The following SERINC1 variants were observed in gnomAD, a reference collection of about 807,000 sequenced individuals.
SERINC1 encodes the protein serine incorporator 1, also known as tumor differentially expressed protein 2.
In SERINC1, 38 loss-of-function variants were observed where a neutral mutation model predicts 52.9. The observed-to-expected ratio is 0.72, with a 90% CI of 0.55 to 0.94. The LOEUF is 0.94. Ranked by LOEUF, SERINC1 falls within the 40% of genes least tolerant of loss-of-function variation. The pLI is 0.00. For missense variants in SERINC1, 471 were observed against 533.9 expected, an observed-to-expected ratio of 0.88 and a Z score of 1.16; for synonymous variants, 198 against 183.1, an observed-to-expected ratio of 1.08 and a Z score of -0.66.
At chr6:122,457,741 G>A (rs1353319422) in intron 2 of SERINC1, among the ~76,000 whole-genome samples, 1 of 151,560 alleles carries the variant, frequency 6.6e-6, no homozygotes, top group Non-Finnish European at 1.5e-5. Context: ...ATAAATTTTT[G>A]TTGTCTTAAG....
intron 2 of SERINC1, 126 bp from the exon 3 acceptor site, chr6:122,456,776 A>G (rs1452463279): frequency 3.1e-6 from 2 of 654,010 alleles, no homozygotes; most frequent in South Asian, 2.5e-5. Context: ...TTTATGATGA[A>G]TATGTACTCA....
chr6:122,452,407 T>C (rs1774927291), intron 5 of SERINC1, among the ~76,000 whole-genome samples: 1 of 152,196 alleles, frequency 6.6e-6, no homozygotes, highest in South Asian at 2.1e-4. Context: ...GGAATATTAC[T>C]TAAGGTTTTT....
chr6:122,458,487 T>G, intron 2 of SERINC1, 33 bp downstream of exon 2: 1 of 1,527,482 alleles, frequency 6.5e-7, no homozygotes, highest in South Asian at 1.1e-5. Flanking sequence ...CCCTATAGCC[T>G]CAGTTAATCA....
At chr6:122,462,218 T>C (rs1770734097) in intron 1 of SERINC1, among the ~76,000 whole-genome samples, 1 of 152,110 alleles carries the variant, frequency 6.6e-6, no homozygotes, top group Non-Finnish European at 1.5e-5. Flanking sequence ...GAAGATAACA[T>C]CCTTAACTTG....
Position 122,443,583 on chromosome 6 carries a change from T to A in SERINC1, c.*1461A>T, listed in dbSNP as rs11559298. 1 of 152,328 alleles carries A rather than the reference T, an allele frequency of 6.6e-6. No individual in the cohort carries two copies. Among genetic ancestry groups the A allele is most frequent in the South Asian group, 2.1e-4 (1 of 4,830 alleles). 9.4% of individuals were successfully genotyped at this position (152,328 alleles called of 1,614,324 possible). A position where few individuals can be genotyped will look rare whatever the true frequency, so the allele number is the denominator to read the frequency against. On this transcript the variant is annotated 3_prime_UTR_variant, in exon 10 of 10. Transcript: ENST00000339697. ...TGATTTTCAGGTTGAAAGGTTACAATAATCTATATATTTCAATTACATGGC... is the reference window on the plus strand; with the variant it reads ...TGATTTTCAGGTTGAAAGGTTACAAAAATCTATATATTTCAATTACATGGC...
rs146353927 is a variant in SERINC1, at chr6:122,447,170, G to T, written c.946C>A (p.Gln316Lys). 709 of 1,613,310 alleles carry T rather than the reference G, an allele frequency of 4.4e-4. No individual in the cohort carries two copies. Among genetic ancestry groups the T allele is most frequent in the Non-Finnish European group, 5.5e-4 (654 of 1,179,290 alleles). ...EGQSVQWWHAQGIIGLILFLL... is the reference protein window; with the variant it reads ...EGQSVQWWHAKGIIGLILFLL... ...AAGAGAATTAGTCCTATAATTCCTT[G>T]AGCATGCCACCACTGGACTGACTGC... Residue 316 changes from glutamine (Q) to lysine (K), a missense_variant, in exon 8 of 10, where the codon CAA becomes AAA. Transcript: ENST00000339697.
intron 7 of SERINC1, among the ~76,000 whole-genome samples, chr6:122,448,788 A>ATTTTTTTTTTT (rs67382351): frequency 1.7e-5 from 2 of 119,478 alleles, no homozygotes; most frequent in Non-Finnish European, 3.5e-5. Context: ...TGCTTTGCCT[A>ATTTTTTTTTTT]TTTTTTTTTT....
At chr6:122,458,939 AAG>A (rs1455540354) in intron 1 of SERINC1, among the ~76,000 whole-genome samples, 1 of 152,176 alleles carries the variant, frequency 6.6e-6, no homozygotes, top group African/African-American at 2.4e-5. Flanking sequence ...CTAAAACAAA[AAG>A]GGGAAAAAAT....
chr6:122,444,938 G>T lies in SERINC1; in HGVS notation c.*106C>A. On this transcript the variant is annotated 3_prime_UTR_variant, in exon 10 of 10. Coordinates refer to ENST00000339697, the MANE Select transcript of SERINC1 (RefSeq NM_020755.4). ...AAATCTAATTCATGCCAGAACACTG[G>T]AGAAGTTACATGGGAAGCAAAAACA... 9.5e-7 allele frequency: 1 copy of T among 1,049,228 alleles called. No individual in the cohort carries two copies. 65.0% of individuals were successfully genotyped at this position (1,049,228 alleles called of 1,614,324 possible).
chr6:122,447,253 T>A lies in SERINC1; in HGVS notation c.863A>T (p.Asn288Ile). ...AMTNEPETNC[N>I]PSLLSIIGYN... ...GCCAATTATGCTTAGTAGACTTGGG[T>A]TGCAATTTGTTTCTGTAATATAAAG... Residue 288 changes from asparagine to isoleucine, a missense_variant, in exon 8 of 10, where the codon AAC becomes ATC. By Grantham distance (149) the Asn-to-Ile change is moderately radical. Coordinates refer to ENST00000339697, the MANE Select transcript of SERINC1 (RefSeq NM_020755.4). 6.2e-7 allele frequency: 1 copy of A among 1,607,270 alleles called. No individual in the cohort carries two copies. Among genetic ancestry groups the A allele is most frequent in the Non-Finnish European group, 8.5e-7 (1 of 1,176,692 alleles).
At chr6:122,447,040 AG>A in intron 8 of SERINC1, 36 bp from the exon 9 acceptor site, 10 of 1,580,306 alleles carry the variant, frequency 6.3e-6, no homozygotes, top group Non-Finnish European at 8.7e-6. Context: ...GAGAAAAAAA[AG>A]AACATTTTTA....
chr6:122,469,839 G>A (rs1775245832), intron 1 of SERINC1, among the ~76,000 whole-genome samples: 1 of 152,162 alleles, frequency 6.6e-6, no homozygotes, highest in South Asian at 2.1e-4. Context: ...TTACAGGCGT[G>A]AGCCACTGCA....
chr6:122,451,776 A>AAAAAATAAAAAATATATATATATAT, intron 6 of SERINC1, 22 bp from the exon 7 acceptor site: 1 of 95,480 alleles, frequency 1.0e-5, no homozygotes, highest in Non-Finnish European at 1.6e-5. Context: ...AAAAAAAAAA[A>AAAAAATAAAAAATATATATATATAT]ATATATATAT....
At chr6:122,445,728 TCTA>T (rs1330957616) in intron 9 of SERINC1, among the ~76,000 whole-genome samples, 2 of 151,652 alleles carry the variant, frequency 1.3e-5, no homozygotes, top group Admixed American at 1.3e-4. Flanking sequence ...AGCCTTAATA[TCTA>T]CTATTATGTG....
intron 1 of SERINC1, among the ~76,000 whole-genome samples, chr6:122,470,377 C>A (rs1185162776): frequency 6.6e-6 from 1 of 152,116 alleles, no homozygotes; most frequent in African/African-American, 2.4e-5. Flanking sequence ...CTATTATATA[C>A]AAAAAACTAC....
chr6:122,459,750 G>T (rs1775067315), intron 1 of SERINC1, among the ~76,000 whole-genome samples: 1 of 151,912 alleles, frequency 6.6e-6, no homozygotes, highest in Non-Finnish European at 1.5e-5. Context: ...TAAAAAAGGA[G>T]ACCTCAAAAA....
chr6:122,458,438 A>C (rs1775039096), intron 2 of SERINC1, 82 bp downstream of exon 2: 1 of 912,216 alleles, frequency 1.1e-6, no homozygotes, highest in African/African-American at 1.7e-5. Flanking sequence ...TATTCTGTTT[A>C]CAATATCCCC....
Position 122,457,084 on chromosome 6 carries a change from T to G in SERINC1, c.202-434A>C, listed in dbSNP as rs576990698. 2.1e-3 allele frequency among the ~76,000 whole-genome samples: 317 copies of G among 152,312 alleles called. 1 individual carries two copies. Among genetic ancestry groups the G allele is most frequent in the African/African-American group, 7.5e-3 (312 of 41,576 alleles). Reference sequence around the variant, plus strand: ...AGTCCCAGCACTCTAAAAAAACTGCTTTTCCAGGATACTAGTCATGTACTG... The same window carrying G: ...AGTCCCAGCACTCTAAAAAAACTGCGTTTCCAGGATACTAGTCATGTACTG... On this transcript the variant is annotated intron_variant, in intron 2 of 9. Coordinates refer to ENST00000339697, the MANE Select transcript of SERINC1 (RefSeq NM_020755.4).
rs1484645155 is a variant in SERINC1, at chr6:122,453,758, A to G, written c.589+12T>C. ...TCAACTATACTGAAGTTGTTCTGCG[A>G]CGAAAGCTTACCTGCATACCAACAT... On this transcript the variant is annotated intron_variant, in intron 5 of 9. Coordinates refer to ENST00000339697, the MANE Select transcript of SERINC1 (RefSeq NM_020755.4). The G allele has an allele frequency of 6.3e-7, 1 of 1,588,110 alleles. No homozygotes were observed. The highest frequency in any genetic ancestry group is 1.3e-5 in the African/African-American group (1 of 74,468).
Sources: allele counts gnomAD v4.1 joint callset (sites outside exome capture counted in the v4.1 genomes callset), GRCh38; gene constraint gnomAD v4.1.1; transcripts MANE v1.5; gene names NCBI Gene and HGNC (gene_info 2026-07-23, HGNC 2026-07-21).